Variants in EPB42 observed in about 807,000 individuals in gnomAD.
EPB42 encodes erythrocyte membrane protein band 4.2.
In EPB42, 49 loss-of-function variants were observed where a neutral mutation model predicts 76.9. The ratio of observed to expected loss-of-function variants is 0.64; its 90% confidence interval spans 0.51 to 0.81. The LOEUF (loss-of-function observed/expected upper bound fraction) is 0.81. Ranked by LOEUF, EPB42 falls within the 30% of genes least tolerant of loss-of-function variation. The pLI, the probability that EPB42 is intolerant of heterozygous loss-of-function variation, is 0.00. For synonymous variants in EPB42, 310 were observed against 338.4 expected (o/e 0.92, Z 0.92); for missense variants, 731 against 867.6 (o/e 0.84, Z 1.98).
chr15:43,215,760 G>A (rs2042368646), intron 2 of EPB42, among the ~76,000 whole-genome samples: 1 of 152,148 alleles, frequency 6.6e-6, no homozygotes, highest in Non-Finnish European at 1.5e-5. Flanking sequence ...GCAATGGCAC[G>A]ATCTCGGCTC....
At chr15:43,217,064 G>T (rs958447039) in intron 1 of EPB42, among the ~76,000 whole-genome samples, 1 of 152,174 alleles carries the variant, frequency 6.6e-6, no homozygotes, top group African/African-American at 2.4e-5. Context: ...ACAACAGTCT[G>T]TTAATCAATT....
intron 2 of EPB42, among the ~76,000 whole-genome samples, chr15:43,215,604 C>A (rs1459827469): frequency 6.7e-6 from 1 of 148,736 alleles, no homozygotes; most frequent in East Asian, 1.9e-4. Context: ...ATGTGAAGTA[C>A]TTGCATACAT....
rs2042252089 is a variant in EPB42, at chr15:43,209,130, C to T, written c.832+144G>A. On this transcript the variant is annotated intron_variant, in intron 6 of 12. Coordinates refer to ENST00000441366, the MANE Select transcript of EPB42 (RefSeq NM_001114134.2). ...CAGCAGAAGCTGGCGGGAGGAGCTGCCTGGGACAACTACTTCTGTGTGATG... is the reference window on the plus strand; with the variant it reads ...CAGCAGAAGCTGGCGGGAGGAGCTGTCTGGGACAACTACTTCTGTGTGATG... The T allele has an allele frequency of 4.0e-6, 4 of 1,004,358 alleles. No individual in the cohort carries two copies. In the South Asian group the frequency reaches 5.5e-5, roughly 14 times the overall value. 62.2% of individuals were successfully genotyped at this position (1,004,358 alleles called of 1,614,324 possible). A position where few individuals can be genotyped will look rare whatever the true frequency, so the allele number is the denominator to read the frequency against.
At chr15:43,219,177 C>T (rs1213869341) in intron 1 of EPB42, among the ~76,000 whole-genome samples, 1 of 152,128 alleles carries the variant, frequency 6.6e-6, no homozygotes, top group African/African-American at 2.4e-5. Flanking sequence ...TGTCAGCAAG[C>T]GCAGAGCTGT....
In EPB42 at chr15:43,211,559, G is replaced by T. The variant is rs1384928130; in HGVS notation, c.431-25C>A. On this transcript the variant is annotated intron_variant, in intron 3 of 12. Transcript: ENST00000441366. ...TCTGGTGAGAGGTGGGTAGGGATGA[G>T]GGCCTGTGGGGGTCCTAGGTCCACC... 2.1e-6 allele frequency: 3 copies of T among 1,459,952 alleles called. No homozygotes were observed. In the African/African-American group the frequency reaches 4.2e-5, roughly 20 times the overall value. The allele number at this position is 1,459,952 out of a possible 1,614,324, so 90.4% of individuals were successfully genotyped here.
At chr15:43,198,305 A>G (rs1385679494) in intron 12 of EPB42, among the ~76,000 whole-genome samples, 1 of 152,220 alleles carries the variant, frequency 6.6e-6, no homozygotes, top group Non-Finnish European at 1.5e-5. Flanking sequence ...AAATGCTGAT[A>G]GCAATATGGA....
At chr15:43,208,180 T>C (rs781166497) in intron 8 of EPB42, 50 bp downstream of exon 8, 1 of 1,556,084 alleles carries the variant, frequency 6.4e-7, no homozygotes, top group South Asian at 1.1e-5. Context: ...CTCTGGGGAC[T>C]TCAGCTCTGT....
intron 11 of EPB42, 51 bp downstream of exon 11, chr15:43,203,064 G>A (rs780120207): frequency 1.2e-6 from 2 of 1,608,716 alleles, no homozygotes; most frequent in South Asian, 1.1e-5. Flanking sequence ...TCTGAAATGG[G>A]GACCTGAGTG....
upstream of EPB42, among the ~76,000 whole-genome samples, chr15:43,225,425 T>C (rs1040866888): frequency 1.3e-5 from 2 of 152,222 alleles, no homozygotes; most frequent in Non-Finnish European, 2.9e-5. Flanking sequence ...GGTCTCCCTT[T>C]GGGGAATGTG....
intron 9 of EPB42, among the ~76,000 whole-genome samples, 174 bp downstream of exon 9, chr15:43,207,025 A>G (rs1000515431): frequency 2.0e-5 from 3 of 152,202 alleles, no homozygotes; most frequent in Non-Finnish European, 2.9e-5. Flanking sequence ...CAGCCTGTAC[A>G]ACAAAGACAT....
Position 43,220,929 on chromosome 15 carries a change from T to C in EPB42, c.-104A>G, listed in dbSNP as rs1217985549. 9.4e-7 allele frequency: 1 copy of C among 1,063,708 alleles called. No individual in the cohort carries two copies. Among genetic ancestry groups the C allele is most frequent in the Non-Finnish European group, 1.4e-6 (1 of 696,148 alleles). The allele number at this position is 1,063,708 out of a possible 1,614,324, so 65.9% of individuals were successfully genotyped here. On this transcript the variant is annotated 5_prime_UTR_variant, in exon 1 of 13. Transcript: ENST00000441366. ...CTTTCTGTCTTCCAGACAGAAAATA[T>C]GAAGGCACTTTTGTTGGCTTAAGAA...
chr15:43,204,961 T>A (rs144264585), intron 10 of EPB42, among the ~76,000 whole-genome samples: 1 of 39,872 alleles, frequency 2.5e-5, no homozygotes. Context: ...GGCTGCCCCC[T>A]CCGCCCCCCC....
upstream of EPB42, among the ~76,000 whole-genome samples, chr15:43,223,821 A>G (rs2042483654): frequency 6.6e-6 from 1 of 152,186 alleles, no homozygotes; most frequent in Admixed American, 6.5e-5. Flanking sequence ...TAAAAATACA[A>G]TAATTAGCCA....
chr15:43,221,003 A>G lies in EPB42; in HGVS notation c.-178T>C. ...CCACTACTCCTGTGAGCACCCTGACATGTTTCTTCTCTCCTACTCCCTCTC... is the reference window on the plus strand; with the variant it reads ...CCACTACTCCTGTGAGCACCCTGACGTGTTTCTTCTCTCCTACTCCCTCTC... On this transcript the variant is annotated 5_prime_UTR_variant, in exon 1 of 13. An upstream start codon of the reference 5' UTR is lost. Transcript: ENST00000441366. 1.5e-6 allele frequency: 1 copy of G among 645,734 alleles called. No homozygotes were observed. Among genetic ancestry groups the G allele is most frequent in the Non-Finnish European group, 2.8e-6 (1 of 357,598 alleles). 40.0% of individuals were successfully genotyped at this position (645,734 alleles called of 1,614,324 possible). A position where few individuals can be genotyped will look rare whatever the true frequency, so the allele number is the denominator to read the frequency against.
At chr15:43,210,273 G>C (rs1256880681) in intron 5 of EPB42, 62 bp downstream of exon 5, 2 of 1,448,044 alleles carry the variant, frequency 1.4e-6, no homozygotes, top group Non-Finnish European at 1.9e-6. Context: ...TGGTGGGGCA[G>C]GTCTCTCAGA....
At chr15:43,201,639 G>A (rs1004409440) in intron 12 of EPB42, among the ~76,000 whole-genome samples, 6 of 152,210 alleles carry the variant, frequency 3.9e-5, no homozygotes, top group African/African-American at 9.6e-5. Flanking sequence ...CAAGGGGCCC[G>A]CACAGCCTGC....
intron 12 of EPB42, among the ~76,000 whole-genome samples, chr15:43,198,943 G>C (rs1271454198): frequency 2.6e-5 from 4 of 152,364 alleles, no homozygotes; most frequent in African/African-American, 9.6e-5. Flanking sequence ...ATGGTGTTGA[G>C]CCTATGGGTG....
At chr15:43,221,523 G>C (rs2042460041), upstream of EPB42, among the ~76,000 whole-genome samples, 1 of 152,178 alleles carries the variant, frequency 6.6e-6, no homozygotes, top group African/African-American at 2.4e-5. Context: ...TTGGGACTCA[G>C]GCCCTATGTC....
At chr15:43,218,811 CT>C (rs920082686) in intron 1 of EPB42, among the ~76,000 whole-genome samples, 3 of 152,236 alleles carry the variant, frequency 2.0e-5, no homozygotes, top group Non-Finnish European at 4.4e-5. Flanking sequence ...GCCTCTGCCC[CT>C]TTTAGGTGGA....
Sources: gnomAD v4.1 joint callset for allele counts (sites outside exome capture counted in the v4.1 genomes callset) on GRCh38, gnomAD v4.1.1 for gene constraint, MANE v1.5 for transcripts, NCBI Gene and HGNC (gene_info 2026-07-23, HGNC 2026-07-21) for gene names.